FGGY: variants seen among roughly 807,000 people sequenced by gnomAD.
The protein encoded by FGGY is FGGY carbohydrate kinase domain-containing protein.
A neutral mutation model predicts 71.3 loss-of-function variants in FGGY; 72 were observed. The ratio of observed to expected loss-of-function variants is 1.01; its 90% CI spans 0.84 to 1.23. The LOEUF (loss-of-function observed/expected upper bound fraction) is 1.23. Ranked by LOEUF, FGGY falls within the 50% of genes most tolerant of loss-of-function variation. The probability of loss-of-function intolerance (pLI) is 0.00; values close to 1 mark genes in which losing one functional copy is unlikely to be tolerated. For missense variants in FGGY, 668 were observed against 682.3 expected, an observed-to-expected ratio of 0.98 and a Z score of 0.23; for synonymous variants, 251 against 250.3, an observed-to-expected ratio of 1.00 and a Z score of -0.02.
At chr1:59,493,635 GA>G (rs1263255906) in intron 6 of FGGY, among the ~76,000 whole-genome samples, 1 of 152,136 alleles carries the variant, frequency 6.6e-6, no homozygotes, top group East Asian at 1.9e-4. Flanking sequence ...GGATTTGGGG[GA>G]AGGGGGAAAG....
intron 7 of FGGY, among the ~76,000 whole-genome samples, chr1:59,528,550 T>C (rs1325721299): frequency 6.6e-6 from 1 of 152,200 alleles, no homozygotes; most frequent in Admixed American, 6.5e-5. Context: ...AACCAAATGC[T>C]CAGCTCTAGG....
At chr1:59,385,595 T>C (rs1322937654) in intron 5 of FGGY, among the ~76,000 whole-genome samples, 5 of 150,668 alleles carry the variant, frequency 3.3e-5, no homozygotes, top group Non-Finnish European at 7.4e-5. Context: ...AGTCAAACAT[T>C]TGAATAGTAG....
intron 5 of FGGY, among the ~76,000 whole-genome samples, chr1:59,407,712 A>T (rs139147387): frequency 1.1e-3 from 172 of 152,270 alleles, no homozygotes; most frequent in African/African-American, 4.0e-3. Context: ...AAAAACTGGA[A>T]TGCTATACAG....
intron 2 of FGGY, among the ~76,000 whole-genome samples, chr1:59,334,467 T>C (rs2049086322): frequency 6.6e-6 from 1 of 152,224 alleles, no homozygotes; most frequent in African/African-American, 2.4e-5. Flanking sequence ...CATGAAAAAC[T>C]AATATTAAAT....
At position 59,650,525 on chromosome 1, in the gene FGGY, A is replaced by T. The variant is rs1428769907; in HGVS notation, c.1222-9694A>T. On this transcript the variant is annotated intron_variant, in intron 11 of 15. Transcript: ENST00000303721. Reference sequence around the variant, plus strand: ...TTTATCCATTTCTTCTAGATTTTCTAGTATATTTGCATAGAGGTGTTTATA... The same window carrying T: ...TTTATCCATTTCTTCTAGATTTTCTTGTATATTTGCATAGAGGTGTTTATA... 3.0e-5 allele frequency among the ~76,000 whole-genome samples: 3 copies of T among 99,996 alleles called. No individual in the cohort carries two copies. In the East Asian group the frequency reaches 7.0e-4, roughly 23 times the overall value. 65.6% of individuals were successfully genotyped at this position (99,996 alleles called of 152,430 possible).
intron 14 of FGGY, chr1:59,698,822 T>C (rs2097686240): frequency 1.9e-5 from 19 of 985,288 alleles, no homozygotes; most frequent in Non-Finnish European, 2.3e-5. Flanking sequence ...ATTTTTAATA[T>C]GTGTGTGCCC....
rs1306613818 is a variant in FGGY at position 59,346,295 on chromosome 1, G to A, written c.362G>A (p.Ser121Asn). The A allele has an allele frequency of 6.2e-7, 1 of 1,612,566 alleles. No homozygotes were observed. Among genetic ancestry groups the A allele is most frequent in the Non-Finnish European group, 8.5e-7 (1 of 1,179,770 alleles). ...ATGTGGCTGGACCATCGAGCAGTCA[G>A]TCAAGTTAACAGGATCAATGAGACC... ...VIMWLDHRAVSQVNRINETKH... is the reference protein window; with the variant it reads ...VIMWLDHRAVNQVNRINETKH... Residue 121 changes from serine (S) to asparagine (N), a missense_variant, in exon 4 of 16, where the codon AGT (serine) becomes AAT (asparagine). Coordinates refer to ENST00000303721, the MANE Select transcript of FGGY (RefSeq NM_018291.5).
At chr1:59,653,922 T>C (rs370879677) in intron 11 of FGGY, among the ~76,000 whole-genome samples, 1 of 152,238 alleles carries the variant, frequency 6.6e-6, no homozygotes, top group East Asian at 1.9e-4. Context: ...CTCTTCTGCT[T>C]TTAAGAGCTC....
chr1:59,524,779 A>G (rs767225466), intron 7 of FGGY, among the ~76,000 whole-genome samples: 8 of 152,324 alleles, frequency 5.3e-5, no homozygotes, highest in East Asian at 3.9e-4. Flanking sequence ...CTGTCACTCA[A>G]TGAAGCTTCT....
chr1:59,561,204 CG>C (rs2095788458), intron 8 of FGGY, among the ~76,000 whole-genome samples: 1 of 152,242 alleles, frequency 6.6e-6, no homozygotes, highest in African/African-American at 2.4e-5. Flanking sequence ...GGATTCCACA[CG>C]GTACAGTAGA....
chr1:59,350,206 C>T (rs1022260971), intron 4 of FGGY, among the ~76,000 whole-genome samples: 9 of 152,146 alleles, frequency 5.9e-5, no homozygotes, highest in Non-Finnish European at 1.2e-4. Flanking sequence ...CTGAGCTCAA[C>T]TATGAACCAG....
At chr1:59,643,980 G>A (rs2097063399) in intron 11 of FGGY, among the ~76,000 whole-genome samples, 2 of 152,198 alleles carry the variant, frequency 1.3e-5, no homozygotes, top group African/African-American at 4.8e-5. Context: ...TTAAGAAAGG[G>A]AGTTTAAACA....
At chr1:59,536,797 C>G (rs898879535) in intron 7 of FGGY, among the ~76,000 whole-genome samples, 13 of 152,126 alleles carry the variant, frequency 8.5e-5, no homozygotes, top group Non-Finnish European at 1.8e-4. Flanking sequence ...AATTCAACAA[C>G]CCTTCATGCT....
chr1:59,532,143 C>T (rs2095162848), intron 7 of FGGY, among the ~76,000 whole-genome samples: 1 of 152,114 alleles, frequency 6.6e-6, no homozygotes, highest in African/African-American at 2.4e-5. Flanking sequence ...ATGGAGAATT[C>T]AGCAGAGATC....
chr1:59,567,933 G>A (rs1236286573), intron 8 of FGGY, among the ~76,000 whole-genome samples: 2 of 150,702 alleles, frequency 1.3e-5, no homozygotes, highest in Non-Finnish European at 1.5e-5. Flanking sequence ...ATACCATTCC[G>A]TGCTATCCCT....
intron 4 of FGGY, among the ~76,000 whole-genome samples, chr1:59,356,746 T>C (rs2054395001): frequency 6.6e-6 from 1 of 152,208 alleles, no homozygotes; most frequent in Non-Finnish European, 1.5e-5. Flanking sequence ...CTCTTCCTCA[T>C]TGTGGAAAAT....
chr1:59,646,680 A>G (rs1372548772), intron 11 of FGGY, among the ~76,000 whole-genome samples: 1 of 152,096 alleles, frequency 6.6e-6, no homozygotes, highest in African/African-American at 2.4e-5. Flanking sequence ...CTTTCCATGT[A>G]TCATCAACAA....
chr1:59,679,077 A>G (rs1369065001), intron 14 of FGGY, among the ~76,000 whole-genome samples: 3 of 152,184 alleles, frequency 2.0e-5, no homozygotes, highest in African/African-American at 7.2e-5. Flanking sequence ...CCCTTTCTGT[A>G]ATGTGTGCCC....
chr1:59,761,398 C>A (rs1293225916), intron 15 of FGGY, among the ~76,000 whole-genome samples: 1 of 152,156 alleles, frequency 6.6e-6, no homozygotes, highest in African/African-American at 2.4e-5. Context: ...ACTCTTACAA[C>A]CTCTCTCTGC....
Sources: gnomAD v4.1 joint callset for allele counts (sites outside exome capture counted in the v4.1 genomes callset) on GRCh38, gnomAD v4.1.1 for gene constraint, MANE v1.5 for transcripts, NCBI Gene and HGNC (gene_info 2026-07-23, HGNC 2026-07-21) for gene names.